Variants in ASAP1 observed in about 807,000 individuals in gnomAD.
The protein encoded by ASAP1 is arf-GAP with SH3 domain, ANK repeat and PH domain-containing protein 1.
ASAP1 carries 43 observed loss-of-function variants against 145.2 expected under a neutral mutation model. The ratio of observed to expected loss-of-function variants is 0.30; its 90% CI spans 0.23 to 0.38. The LOEUF (loss-of-function observed/expected upper bound fraction) is 0.38, where lower values mean the gene tolerates loss of function less well. Among genes scored for constraint, ASAP1 ranks in the 10% least tolerant of loss-of-function variants. ASAP1 has a pLI of 1.00. For missense variants in ASAP1, 1,018 were observed against 1,355.3 expected, an observed-to-expected ratio of 0.75 and a Z score of 3.91; for synonymous variants, 546 against 515.5, an observed-to-expected ratio of 1.06 and a Z score of -0.80.
At chr8:130,165,049 T>C (rs531374479) in intron 11 of ASAP1, among the ~76,000 whole-genome samples, 2 of 152,374 alleles carry the variant, frequency 1.3e-5, no homozygotes, top group South Asian at 2.1e-4. Context: ...ATGTATTACT[T>C]GTAAAACTCT....
chr8:130,378,265 G>A (rs564303523), intron 2 of ASAP1, among the ~76,000 whole-genome samples: 2 of 152,310 alleles, frequency 1.3e-5, no homozygotes, highest in East Asian at 3.9e-4. Flanking sequence ...AGTTAATGGT[G>A]CAATTCCTTT....
intron 24 of ASAP1, 72 bp downstream of exon 24, chr8:130,112,022 G>A: frequency 7.1e-7 from 1 of 1,403,470 alleles, no homozygotes; most frequent in South Asian, 1.2e-5. Context: ...AAGCTGGCTA[G>A]ACTATCAGCT....
intron 3 of ASAP1, among the ~76,000 whole-genome samples, chr8:130,248,877 TCC>T (rs1819019992): frequency 6.6e-6 from 1 of 152,102 alleles, no homozygotes; most frequent in Admixed American, 6.5e-5. Context: ...TTAACCCTTT[TCC>T]CAAGAGGCCA....
At chr8:130,184,248 G>T (rs1814563509) in intron 7 of ASAP1, among the ~76,000 whole-genome samples, 1 of 152,182 alleles carries the variant, frequency 6.6e-6, no homozygotes, top group Admixed American at 6.5e-5. Context: ...AACCACAATG[G>T]ATGAACAAGG....
intron 2 of ASAP1, among the ~76,000 whole-genome samples, chr8:130,399,472 T>C (rs1828677859): frequency 6.6e-6 from 1 of 152,078 alleles, no homozygotes; most frequent in Non-Finnish European, 1.5e-5. Flanking sequence ...AAAATAAACA[T>C]GACTTTGGGT....
chr8:130,430,786 A>C (rs762020884), intron 1 of ASAP1, among the ~76,000 whole-genome samples: 9 of 152,190 alleles, frequency 5.9e-5, no homozygotes, highest in Non-Finnish European at 1.3e-4. Context: ...AAGAGCAAGA[A>C]AGAAAGACAA....
intron 4 of ASAP1, among the ~76,000 whole-genome samples, chr8:130,229,029 T>C (rs1187239357): frequency 1.3e-5 from 2 of 152,172 alleles, no homozygotes; most frequent in African/African-American, 4.8e-5. Context: ...CCTTCTGTTG[T>C]CTGTGAATGC....
chr8:130,158,261 A>C (rs1456457271), intron 12 of ASAP1, among the ~76,000 whole-genome samples: 3 of 152,042 alleles, frequency 2.0e-5, no homozygotes, highest in Non-Finnish European at 4.4e-5. Flanking sequence ...CGTAATCCCA[A>C]TACTTTGGGG....
intron 3 of ASAP1, among the ~76,000 whole-genome samples, chr8:130,274,240 A>C (rs921770507): frequency 3.9e-5 from 6 of 152,226 alleles, no homozygotes; most frequent in African/African-American, 1.4e-4. Flanking sequence ...ATGACAAATG[A>C]CTGATACTAT....
rs1018527998 is a variant in ASAP1 at position 130,124,146 on chromosome 8, T to C, written c.1516-42A>G. 3 of 1,337,006 alleles carry C rather than the reference T, an allele frequency of 2.2e-6. No homozygotes were observed. The Admixed American group carries it at 6.5e-5, about 29-fold the overall frequency. 82.8% of individuals were successfully genotyped at this position (1,337,006 alleles called of 1,614,324 possible). The stretch of plus-strand genomic sequence containing the variant: ...AAACAACCACAATATAGCAAACTCT[T>C]TGCTACTAGTTAAAAGTCTCCTATT... On this transcript the variant is annotated intron_variant, in intron 17 of 29. Transcript: ENST00000518721.
At chr8:130,137,107 G>A (rs1565003389) in intron 13 of ASAP1, 69 bp from the exon 14 acceptor site, 29 of 1,266,688 alleles carry the variant, frequency 2.3e-5, no homozygotes, top group Non-Finnish European at 3.1e-5. Flanking sequence ...TCAGTGCCCT[G>A]TAGGGCAGGT....
chr8:130,437,125 T>C (rs1587053322), intron 1 of ASAP1, among the ~76,000 whole-genome samples: 2 of 147,372 alleles, frequency 1.4e-5, no homozygotes, highest in African/African-American at 2.6e-5. Flanking sequence ...AAAAAAAAAT[T>C]AAAAATTAAA....
intron 27 of ASAP1, among the ~76,000 whole-genome samples, chr8:130,062,799 G>A (rs2097422327): frequency 1.3e-5 from 2 of 152,176 alleles, no homozygotes; most frequent in African/African-American, 4.8e-5. Flanking sequence ...CTGAATGCAG[G>A]GGATTGTATG....
chr8:130,418,458 G>A (rs1480074228), intron 1 of ASAP1, among the ~76,000 whole-genome samples: 1 of 152,084 alleles, frequency 6.6e-6, no homozygotes, highest in East Asian at 1.9e-4. Flanking sequence ...TGAGGCAGGA[G>A]GATCACTTGA....
chr8:130,108,926 C>T (rs2097542211), intron 24 of ASAP1, among the ~76,000 whole-genome samples: 2 of 151,826 alleles, frequency 1.3e-5, no homozygotes, highest in Admixed American at 1.3e-4. Context: ...CAGGCAGGCG[C>T]CACTACGCCC....
At chr8:130,301,438 C>T (rs933006982) in intron 3 of ASAP1, among the ~76,000 whole-genome samples, 1 of 152,178 alleles carries the variant, frequency 6.6e-6, no homozygotes, top group Non-Finnish European at 1.5e-5. Flanking sequence ...GCTCTAAAGG[C>T]ATGGACTTCT....
At chr8:130,227,855 C>T (rs1817675890) in intron 4 of ASAP1, among the ~76,000 whole-genome samples, 1 of 151,878 alleles carries the variant, frequency 6.6e-6, no homozygotes, top group South Asian at 2.1e-4. Flanking sequence ...GTCTATGACC[C>T]CAAAATGTTC....
intron 7 of ASAP1, among the ~76,000 whole-genome samples, chr8:130,186,809 A>T (rs749059549): frequency 6.6e-6 from 1 of 152,192 alleles, no homozygotes; most frequent in Non-Finnish European, 1.5e-5. Flanking sequence ...GAGGTCATAC[A>T]TGCAAAAAAC....
intron 27 of ASAP1, among the ~76,000 whole-genome samples, chr8:130,063,193 T>C (rs1213702992): frequency 6.6e-6 from 1 of 152,162 alleles, no homozygotes; most frequent in East Asian, 1.9e-4. Flanking sequence ...TTTAGTTCTA[T>C]TGAGACAGGG....
Sources: gnomAD v4.1 joint callset for allele counts (sites outside exome capture counted in the v4.1 genomes callset) on GRCh38, gnomAD v4.1.1 for gene constraint, MANE v1.5 for transcripts, NCBI Gene and HGNC (gene_info 2026-07-23, HGNC 2026-07-21) for gene names.